Variants in SLC26A7 observed in about 807,000 individuals in gnomAD.
SLC26A7 encodes the protein solute carrier family 26 member 7.
In SLC26A7, 59 loss-of-function variants were observed where a neutral mutation model predicts 82.5. That is an observed-to-expected ratio of 0.72 (90% CI 0.58 to 0.89). The LOEUF is 0.89. Among genes scored for constraint, SLC26A7 ranks in the 40% least tolerant of loss-of-function variants. The probability of loss-of-function intolerance (pLI) is 0.00; values close to 1 mark genes in which losing one functional copy is unlikely to be tolerated. For missense variants in SLC26A7, 820 were observed against 793.0 expected, an observed-to-expected ratio of 1.03 and a Z score of -0.41; for synonymous variants, 271 against 274.3, an observed-to-expected ratio of 0.99 and a Z score of 0.12.
chr8:91,310,587 AAG>A (rs1812453279), intron 4 of SLC26A7, among the ~76,000 whole-genome samples: 1 of 152,146 alleles, frequency 6.6e-6, no homozygotes. Flanking sequence ...ATAAGATCTC[AAG>A]AGTTAAGCGA....
intron 2 of SLC26A7, among the ~76,000 whole-genome samples, chr8:91,279,147 ATATATATATATATATATATG>A (rs1445104756): frequency 9.1e-6 from 1 of 110,414 alleles, no homozygotes; most frequent in African/African-American, 3.9e-5. Flanking sequence ...ATATATATAT[ATATATATATATATATATATG>A]TATCACATTT....
intron 2 of SLC26A7, among the ~76,000 whole-genome samples, chr8:91,267,910 C>A (rs534333167): frequency 6.6e-6 from 1 of 151,698 alleles, no homozygotes; most frequent in Admixed American, 6.6e-5. Flanking sequence ...CTTAGAACTG[C>A]TTTTGCTGTA....
intron 2 of SLC26A7, among the ~76,000 whole-genome samples, chr8:91,260,308 T>C (rs1438270226): frequency 6.6e-6 from 1 of 152,126 alleles, no homozygotes; most frequent in Non-Finnish European, 1.5e-5. Flanking sequence ...TCACTCACTA[T>C]CACGAGAACG....
chr8:91,373,484 A>G (rs1814423324), intron 15 of SLC26A7, among the ~76,000 whole-genome samples: 1 of 151,942 alleles, frequency 6.6e-6, no homozygotes, highest in African/African-American at 2.4e-5. Context: ...AGATAATCAC[A>G]TGGCTTTTGT....
At chr8:91,353,565 A>T (rs1813780767) in intron 11 of SLC26A7, among the ~76,000 whole-genome samples, 1 of 152,176 alleles carries the variant, frequency 6.6e-6, no homozygotes, top group Non-Finnish European at 1.5e-5. Context: ...CTGATTCTAG[A>T]GAAACCTATC....
intron 11 of SLC26A7, among the ~76,000 whole-genome samples, chr8:91,354,002 CT>C (rs1283276434): frequency 6.6e-6 from 1 of 151,992 alleles, no homozygotes; most frequent in East Asian, 1.9e-4. Context: ...TTAATTTGGA[CT>C]GATTAACATG....
chr8:91,261,120 G>A (rs1201260868), intron 2 of SLC26A7, among the ~76,000 whole-genome samples: 1 of 152,062 alleles, frequency 6.6e-6, no homozygotes, highest in African/African-American at 2.4e-5. Flanking sequence ...GATTTTTTAT[G>A]TGTAATTCTT....
At chr8:91,390,773 T>TC (rs1334056744) in intron 16 of SLC26A7, among the ~76,000 whole-genome samples, 11 of 152,156 alleles carry the variant, frequency 7.2e-5, no homozygotes, top group Non-Finnish European at 1.5e-4. Flanking sequence ...TTTTAATGGG[T>TC]CCCCCTCATC....
rs1203080746 is a variant in SLC26A7 at position 91,365,325 on chromosome 8, C to CAA, written c.1489-1250_1489-1249dup. Among the ~76,000 whole-genome samples the CAA allele has an allele frequency of 3.3e-5, 5 of 151,946 alleles. No individual in the cohort carries two copies. In the East Asian group the frequency reaches 9.6e-4, roughly 29 times the overall value. On this transcript the variant is annotated intron_variant, in intron 13 of 18. Coordinates refer to ENST00000276609, the MANE Select transcript of SLC26A7 (RefSeq NM_052832.4). ...TAGTTGATAAACTAAACAAAAATTGCAAAAAAGTCTCATAATGTTTTAAGA... is the reference window on the plus strand; with the variant it reads ...TAGTTGATAAACTAAACAAAAATTGCAAAAAAAAGTCTCATAATGTTTTAAGA...
At chr8:91,295,440 T>A in intron 3 of SLC26A7, 91 bp from the exon 4 acceptor site, 1 of 1,443,508 alleles carries the variant, frequency 6.9e-7, no homozygotes, top group Non-Finnish European at 9.4e-7. Flanking sequence ...CTGTTTGGTT[T>A]CACAATGTAG....
intron 5 of SLC26A7, among the ~76,000 whole-genome samples, chr8:91,325,589 A>G (rs924956202): frequency 1.5e-4 from 23 of 152,274 alleles, no homozygotes; most frequent in Middle Eastern, 3.4e-3. Flanking sequence ...TTGAAGGCAT[A>G]AGACTGGAGG....
intron 1 of SLC26A7, among the ~76,000 whole-genome samples, chr8:91,211,595 A>AT (rs1809920538): frequency 7.1e-6 from 1 of 140,436 alleles, no homozygotes; most frequent in Non-Finnish European, 1.5e-5. Flanking sequence ...CAATTATACA[A>AT]ATATATATAT....
chr8:91,234,827 A>ACCTT (rs1386380375), intron 2 of SLC26A7, among the ~76,000 whole-genome samples: 1 of 92,494 alleles, frequency 1.1e-5, no homozygotes, highest in Non-Finnish European at 2.2e-5. Flanking sequence ...CTACCTACCT[A>ACCTT]CTTCCTTCCT....
chr8:91,307,722 C>T (rs28839500), intron 4 of SLC26A7, among the ~76,000 whole-genome samples: 1,946 of 142,326 alleles, frequency 0.014, 44 homozygotes, highest in African/African-American at 0.048. Flanking sequence ...GTGGGTGCAG[C>T]GCACCAGCAT....
intron 2 of SLC26A7, among the ~76,000 whole-genome samples, chr8:91,278,586 A>G (rs2130746872): frequency 6.6e-6 from 1 of 152,290 alleles, no homozygotes. Flanking sequence ...CTTACAATTT[A>G]TAATTTGGTG....
At chr8:91,331,877 G>T (rs539460712) in intron 5 of SLC26A7, among the ~76,000 whole-genome samples, 3 of 151,884 alleles carry the variant, frequency 2.0e-5, no homozygotes, top group Admixed American at 2.0e-4. Flanking sequence ...CTTATAGTTT[G>T]AATTTACATC....
At chr8:91,280,880 C>A (rs980883742) in intron 2 of SLC26A7, among the ~76,000 whole-genome samples, 2 of 152,178 alleles carry the variant, frequency 1.3e-5, no homozygotes, top group South Asian at 2.1e-4. Context: ...ATGTGTAACA[C>A]CTGTTTATAT....
chr8:91,255,956 G>A (rs1810790120), intron 2 of SLC26A7, among the ~76,000 whole-genome samples: 1 of 152,070 alleles, frequency 6.6e-6, no homozygotes, highest in Admixed American at 6.6e-5. Context: ...AACCATCCCT[G>A]CTCTTTTCAG....
chr8:91,307,872 A>AT (rs144982867), intron 4 of SLC26A7, among the ~76,000 whole-genome samples: 18,759 of 151,974 alleles, frequency 0.12, 1,487 homozygotes, highest in African/African-American at 0.21. Context: ...CAATTTTTAA[A>AT]TTTTTTTGTA....
Sources: gnomAD v4.1 joint callset for allele counts (sites outside exome capture counted in the v4.1 genomes callset) on GRCh38, gnomAD v4.1.1 for gene constraint, MANE v1.5 for transcripts, NCBI Gene and HGNC (gene_info 2026-07-23, HGNC 2026-07-21) for gene names.